Variants in PLCXD3 observed in about 807,000 individuals in gnomAD.
PLCXD3 encodes PI-PLC X domain-containing protein 3.
In PLCXD3, 19 loss-of-function variants were observed where a neutral mutation model predicts 25.5. That is an observed-to-expected ratio of 0.75 (90% CI 0.52 to 1.09). The LOEUF (loss-of-function observed/expected upper bound fraction) is 1.09. PLCXD3 is among the 50% of genes least tolerant of loss of function. The pLI is 0.00. For synonymous variants in PLCXD3, 174 were observed against 137.6 expected, an observed-to-expected ratio of 1.26 and a Z score of -1.85; for missense variants, 411 against 388.1, an observed-to-expected ratio of 1.06 and a Z score of -0.50.
chr5:41,315,598 G>T (rs1743267052), intron 2 of PLCXD3, among the ~76,000 whole-genome samples: 1 of 152,128 alleles, frequency 6.6e-6, no homozygotes, highest in Non-Finnish European at 1.5e-5. Flanking sequence ...CTAAAAATCA[G>T]ATGAGTACCT....
intron 1 of PLCXD3, among the ~76,000 whole-genome samples, chr5:41,492,825 A>G (rs1222122268): frequency 3.3e-5 from 5 of 152,184 alleles, no homozygotes; most frequent in African/African-American, 1.2e-4. Context: ...TCTAGTTTAC[A>G]TTCTTCTAAA....
chr5:41,488,558 A>G (rs376970520), intron 1 of PLCXD3, among the ~76,000 whole-genome samples: 19 of 139,952 alleles, frequency 1.4e-4, no homozygotes, highest in Non-Finnish European at 2.6e-4. Context: ...GTGTAAAAGT[A>G]TTCCTATTTC....
intron 1 of PLCXD3, among the ~76,000 whole-genome samples, chr5:41,466,165 C>T (rs1748013621): frequency 6.6e-6 from 1 of 151,964 alleles, no homozygotes; most frequent in Non-Finnish European, 1.5e-5. Context: ...CCTTAAAATA[C>T]AACTGCTTAA....
At chr5:41,325,609 G>GT (rs902413165) in intron 2 of PLCXD3, among the ~76,000 whole-genome samples, 16 of 151,944 alleles carry the variant, frequency 1.1e-4, no homozygotes, top group Non-Finnish European at 1.6e-4. Context: ...ACTAATTTTT[G>GT]TTTTTTTGCC....
chr5:41,375,978 AG>A (rs1745282275), intron 2 of PLCXD3, among the ~76,000 whole-genome samples: 1 of 152,134 alleles, frequency 6.6e-6, no homozygotes, highest in African/African-American at 2.4e-5. Flanking sequence ...CTAATTTGTA[AG>A]GATGCAAGGC....
intron 1 of PLCXD3, among the ~76,000 whole-genome samples, chr5:41,496,479 A>G (rs1307976987): frequency 2.0e-5 from 3 of 152,030 alleles, no homozygotes; most frequent in Non-Finnish European, 2.9e-5. Flanking sequence ...GACTAGTCAC[A>G]TACAAGGAAA....
Position 41,375,948 on chromosome 5 carries a change from T to A in PLCXD3, c.812+5878A>T, listed in dbSNP as rs527416375. ...ACATCTCTCAGCCTCAATTTCCACCTCTAATGGATTTAATAATACCTAATT... is the reference window on the plus strand; with the variant it reads ...ACATCTCTCAGCCTCAATTTCCACCACTAATGGATTTAATAATACCTAATT... On this transcript the variant is annotated intron_variant, in intron 2 of 2. Coordinates refer to ENST00000377801, the MANE Select transcript of PLCXD3 (RefSeq NM_001005473.3). Among the ~76,000 whole-genome samples, 25 of 152,236 alleles carry A rather than the reference T, an allele frequency of 1.6e-4. No individual in the cohort carries two copies. In the South Asian group the frequency reaches 5.0e-3, roughly 30 times the overall value.
intron 2 of PLCXD3, among the ~76,000 whole-genome samples, chr5:41,365,848 G>A (rs79512608): frequency 5.9e-5 from 9 of 151,600 alleles, no homozygotes; most frequent in East Asian, 1.9e-4. Context: ...TATCTCAAGC[G>A]GAACCCTTTT....
intron 1 of PLCXD3, among the ~76,000 whole-genome samples, chr5:41,412,544 T>C (rs1746584880): frequency 6.6e-6 from 1 of 152,176 alleles, no homozygotes; most frequent in Admixed American, 6.5e-5. Flanking sequence ...TGAGAGCTGT[T>C]AGTGGGAAAT....
rs190679026 is a variant in PLCXD3, at chr5:41,430,654, T to G, written c.104-48120A>C. On this transcript the variant is annotated intron_variant, in intron 1 of 2. Coordinates refer to ENST00000377801, the MANE Select transcript of PLCXD3 (RefSeq NM_001005473.3). ...TTCTGTGACCCAGTGTAAGCACTCA[T>G]GCCCAGGGAACTTATTATTTAGTGT... Among the ~76,000 whole-genome samples, 413 of 152,300 alleles carry G rather than the reference T, an allele frequency of 2.7e-3. 4 individuals carry two copies. The highest frequency in any genetic ancestry group is 9.5e-3 in the African/African-American group (393 of 41,580).
intron 2 of PLCXD3, among the ~76,000 whole-genome samples, chr5:41,367,743 G>C (rs575286621): frequency 6.6e-6 from 1 of 152,114 alleles, no homozygotes; most frequent in African/African-American, 2.4e-5. Flanking sequence ...GTATTGCTTA[G>C]GTTTTCTTTT....
At chr5:41,458,529 TAAATGTTCATTG>T (rs1171928297) in intron 1 of PLCXD3, among the ~76,000 whole-genome samples, 2 of 151,968 alleles carry the variant, frequency 1.3e-5, no homozygotes, top group African/African-American at 4.8e-5. Flanking sequence ...TTTCATTCAA[TAAATGTTCATTG>T]AATTGTCACC....
chr5:41,338,389 G>T (rs1409310382), intron 2 of PLCXD3, among the ~76,000 whole-genome samples: 1 of 151,816 alleles, frequency 6.6e-6, no homozygotes, highest in Non-Finnish European at 1.5e-5. Flanking sequence ...TTTTAAGTTG[G>T]GAAACAAATT....
chr5:41,489,566 G>A (rs2150525082), intron 1 of PLCXD3, among the ~76,000 whole-genome samples: 1 of 152,040 alleles, frequency 6.6e-6, no homozygotes, highest in African/African-American at 2.4e-5. Context: ...CCATGAGCAT[G>A]GAATGTTCTT....
At chr5:41,501,039 C>A (rs374037697) in intron 1 of PLCXD3, among the ~76,000 whole-genome samples, 2 of 151,898 alleles carry the variant, frequency 1.3e-5, no homozygotes, top group East Asian at 1.9e-4. Flanking sequence ...TGGTTACTAT[C>A]AAAAATATAT....
chr5:41,475,806 A>C, intron 1 of PLCXD3: 1 of 499,692 alleles, frequency 2.0e-6, no homozygotes, highest in Non-Finnish European at 4.1e-6. Flanking sequence ...GACCATCATT[A>C]TGAGACTGAA....
intron 2 of PLCXD3, among the ~76,000 whole-genome samples, chr5:41,327,100 A>G (rs1484822823): frequency 6.6e-6 from 1 of 152,190 alleles, no homozygotes; most frequent in African/African-American, 2.4e-5. Context: ...GGTCATGCCT[A>G]GGCCCTCTTA....
intron 1 of PLCXD3, among the ~76,000 whole-genome samples, chr5:41,403,135 C>A (rs1284551241): frequency 6.6e-6 from 1 of 152,002 alleles, no homozygotes; most frequent in East Asian, 1.9e-4. Context: ...TGCCAACCTT[C>A]GGCCTAGTAG....
chr5:41,413,069 T>A (rs1308621497), intron 1 of PLCXD3, among the ~76,000 whole-genome samples: 1 of 152,206 alleles, frequency 6.6e-6, no homozygotes, highest in Non-Finnish European at 1.5e-5. Context: ...AATAATAAAC[T>A]CTGCCATTTA....
Sources: gnomAD v4.1 joint callset for allele counts (sites outside exome capture counted in the v4.1 genomes callset) on GRCh38, gnomAD v4.1.1 for gene constraint, MANE v1.5 for transcripts, NCBI Gene and HGNC (gene_info 2026-07-23, HGNC 2026-07-21) for gene names.